The following FNIP2 variants were observed in gnomAD, a reference collection of about 807,000 sequenced individuals.
The protein encoded by FNIP2 is folliculin interacting protein 2.
A neutral mutation model predicts 108.7 loss-of-function variants in FNIP2; 32 were observed. The ratio of observed to expected loss-of-function variants is 0.29; its 90% confidence interval spans 0.22 to 0.40. FNIP2 has a LOEUF of 0.40. Ranked by LOEUF, FNIP2 falls within the 10% of genes least tolerant of loss-of-function variation. The pLI is 1.00. For synonymous variants in FNIP2, 480 were observed against 496.7 expected, an observed-to-expected ratio of 0.97 and a Z score of 0.45; for missense variants, 1,202 against 1,381.6, an observed-to-expected ratio of 0.87 and a Z score of 2.06.
intron 1 of FNIP2, among the ~76,000 whole-genome samples, chr4:158,772,673 A>G (rs2126397988): frequency 6.6e-6 from 1 of 152,350 alleles, no homozygotes; most frequent in Non-Finnish European, 1.5e-5. Context: ...TGTTAGAACA[A>G]ATTTAATCTG....
chr4:158,806,566 G>C, intron 1 of FNIP2: 1 of 480,702 alleles, frequency 2.1e-6, no homozygotes, highest in South Asian at 2.0e-5. Flanking sequence ...ATTGGTGGAT[G>C]TGCAGAGTCA....
At chr4:158,782,026 A>G (rs1215406934) in intron 1 of FNIP2, among the ~76,000 whole-genome samples, 1 of 151,992 alleles carries the variant, frequency 6.6e-6, no homozygotes, top group Admixed American at 6.6e-5. Flanking sequence ...ATATGTAGTG[A>G]CTCTTATAAC....
intron 10 of FNIP2, among the ~76,000 whole-genome samples, chr4:158,860,652 C>T (rs1180468852): frequency 2.1e-5 from 3 of 142,744 alleles, no homozygotes; most frequent in East Asian, 4.0e-4. Context: ...ATCTGGGTCC[C>T]ACTTTTTTTT....
Position 158,843,456 on chromosome 4 carries a change from A to G in FNIP2, c.728-7865A>G, listed in dbSNP as rs574840995. Among the ~76,000 whole-genome samples the G allele has an allele frequency of 5.1e-4, 77 of 152,210 alleles. 2 individuals are homozygous for G. Among genetic ancestry groups the G allele is most frequent in the Non-Finnish European group, 9.6e-4 (65 of 68,044 alleles). ...TGTGGCGGACATTTTTTTCTAGGAT[A>G]TGAGAATAGATCAGTGGTCAAATGG... On this transcript the variant is annotated intron_variant, in intron 7 of 16. Coordinates refer to ENST00000264433, the MANE Select transcript of FNIP2 (RefSeq NM_020840.3).
intron 1 of FNIP2, among the ~76,000 whole-genome samples, chr4:158,772,131 G>A (rs1173550650): frequency 6.6e-6 from 1 of 152,132 alleles, no homozygotes; most frequent in African/African-American, 2.4e-5. Flanking sequence ...AAAACAAAAG[G>A]AATCACGATT....
intron 1 of FNIP2, among the ~76,000 whole-genome samples, chr4:158,775,836 A>G (rs1775843438): frequency 6.6e-6 from 1 of 152,194 alleles, no homozygotes; most frequent in Non-Finnish European, 1.5e-5. Context: ...AGATTTTAGT[A>G]TTAGCATGAG....
rs1729734291 is a variant in FNIP2 at position 158,905,294 on chromosome 4, C to G, written c.*750C>G. ...CCCATCAAGATGTAGTTTGTAGCAG[C>G]AAAGTGTACAGTCTGAAACCGTATG... On this transcript the variant is annotated 3_prime_UTR_variant, in exon 17 of 17. Transcript: ENST00000264433. 6.6e-6 allele frequency: 1 copy of G among 152,182 alleles called. No individual in the cohort carries two copies. Among genetic ancestry groups the G allele is most frequent in the East Asian group, 1.9e-4 (1 of 5,200 alleles). The allele number at this position is 152,182 out of a possible 1,614,324, so 9.4% of individuals were successfully genotyped here.
At chr4:158,854,511 C>T (rs1779876373) in intron 8 of FNIP2, among the ~76,000 whole-genome samples, 1 of 152,246 alleles carries the variant, frequency 6.6e-6, no homozygotes, top group Non-Finnish European at 1.5e-5. Context: ...GTCTGGGCTG[C>T]AAGCCCTGGG....
At chr4:158,896,841 GTTTT>G (rs57097896) in intron 16 of FNIP2, among the ~76,000 whole-genome samples, 2 of 144,854 alleles carry the variant, frequency 1.4e-5, no homozygotes, top group Non-Finnish European at 3.0e-5. Flanking sequence ...TGCCTTATTA[GTTTT>G]TTTTTTATTA....
In FNIP2 at chr4:158,797,625, A is replaced by G. The variant is rs149972334; in HGVS notation, c.108-28291A>G. Among the ~76,000 whole-genome samples, 583 of 152,268 alleles carry G rather than the reference A, an allele frequency of 3.8e-3. 5 individuals carry two copies. The highest frequency in any genetic ancestry group is 0.017 in the Middle Eastern group (5 of 294). On this transcript the variant is annotated intron_variant, in intron 1 of 16. Transcript: ENST00000264433. Reference sequence around the variant, plus strand: ...TGAGGTGGGAGGATTGTTCGAGCCTAGAGGTCGAGGCTGCAGTGAGGTGTG... The same window carrying G: ...TGAGGTGGGAGGATTGTTCGAGCCTGGAGGTCGAGGCTGCAGTGAGGTGTG...
intron 7 of FNIP2, among the ~76,000 whole-genome samples, chr4:158,846,582 T>A (rs1421182523): frequency 6.6e-6 from 1 of 152,210 alleles, no homozygotes; most frequent in Non-Finnish European, 1.5e-5. Context: ...GACCTCAGGG[T>A]CTTCTCTGTC....
Position 158,826,010 on chromosome 4 carries a change from G to A in FNIP2, c.202G>A (p.Ala68Thr). 6.8e-6 allele frequency: 11 copies of A among 1,608,496 alleles called. No homozygotes were observed. Among genetic ancestry groups the A allele is most frequent in the Non-Finnish European group, 9.4e-6 (11 of 1,175,372 alleles). ...RGRQVLFDSK[A>T]VQKIEEVTAQ... ...CAGACAAGTCTTGTTTGACTCTAAA[G>A]CTGTTCAAAAGATTGAGGAGGTGAC... The change falls in exon 2 of 17, where the codon GCT becomes ACT. Residue 68 changes from alanine to threonine, a missense_variant. Coordinates refer to ENST00000264433, the MANE Select transcript of FNIP2 (RefSeq NM_020840.3).
chr4:158,854,011 A>G (rs1474818815), intron 8 of FNIP2, among the ~76,000 whole-genome samples: 2 of 152,250 alleles, frequency 1.3e-5, no homozygotes, highest in East Asian at 3.8e-4. Flanking sequence ...CTGAAGCTTC[A>G]TATGAAAACA....
In FNIP2 at chr4:158,825,282, A is replaced by G. The variant is rs555661418; in HGVS notation, c.108-634A>G. ...GTTTTCCTCAGAGCAGTTTTATCCC[A>G]GTTGCTTTTGGTTTGCTTAGAAACA... On this transcript the variant is annotated intron_variant, in intron 1 of 16. Coordinates refer to ENST00000264433, the MANE Select transcript of FNIP2 (RefSeq NM_020840.3). Among the ~76,000 whole-genome samples the G allele has an allele frequency of 2.6e-5, 4 of 152,326 alleles. No homozygotes were observed. In the South Asian group the frequency reaches 8.3e-4, roughly 32 times the overall value.
chr4:158,801,943 C>T (rs971202035), intron 1 of FNIP2, among the ~76,000 whole-genome samples: 1 of 152,184 alleles, frequency 6.6e-6, no homozygotes, highest in Non-Finnish European at 1.5e-5. Context: ...CTGGATCTGT[C>T]TCCAAAGCCC....
intron 9 of FNIP2, 57 bp downstream of exon 9, chr4:158,859,315 G>A (rs1780156067): frequency 1.3e-6 from 2 of 1,515,006 alleles, no homozygotes; most frequent in Admixed American, 4.1e-5. Context: ...CTTTGAAGAT[G>A]GCAGAATTTC....
chr4:158,804,429 T>TTTTTG (rs2126483852), intron 1 of FNIP2, among the ~76,000 whole-genome samples: 1 of 151,564 alleles, frequency 6.6e-6, no homozygotes, highest in South Asian at 2.1e-4. Context: ...TTTTTTTTTT[T>TTTTTG]TGGACACAGG....
intron 16 of FNIP2, among the ~76,000 whole-genome samples, chr4:158,897,468 A>T (rs1470206046): frequency 6.6e-6 from 1 of 152,204 alleles, no homozygotes; most frequent in African/African-American, 2.4e-5. Flanking sequence ...ACAGTGTAAA[A>T]GTGTTCCTAT....
chr4:158,841,854 C>T (rs928738639), intron 7 of FNIP2, among the ~76,000 whole-genome samples: 1 of 152,394 alleles, frequency 6.6e-6, no homozygotes, highest in African/African-American at 2.4e-5. Context: ...GCCTTGTAGG[C>T]ATCTGGCCCC....
Sources: allele counts gnomAD v4.1 joint callset (sites outside exome capture counted in the v4.1 genomes callset), GRCh38; gene constraint gnomAD v4.1.1; transcripts MANE v1.5; gene names NCBI Gene and HGNC (gene_info 2026-07-23, HGNC 2026-07-21).